Variants in ATP8B4 observed in about 807,000 individuals in gnomAD.
The protein encoded by ATP8B4 is probable phospholipid-transporting ATPase IM.
ATP8B4 carries 133 observed loss-of-function variants against 145.6 expected under a neutral mutation model. That is an observed-to-expected ratio of 0.91 (90% CI 0.79 to 1.05). ATP8B4 has a LOEUF of 1.05. ATP8B4 is among the 50% of genes least tolerant of loss of function. The probability of loss-of-function intolerance (pLI) is 0.00; values close to 1 mark genes in which losing one functional copy is unlikely to be tolerated. For synonymous variants in ATP8B4, 507 were observed against 492.9 expected (o/e 1.03, Z -0.38); for missense variants, 1,458 against 1,425.2 (o/e 1.02, Z -0.37).
At chr15:50,086,575 A>G (rs1447749259) in intron 2 of ATP8B4, among the ~76,000 whole-genome samples, 1 of 110,500 alleles carries the variant, frequency 9.0e-6, no homozygotes, top group Non-Finnish European at 1.6e-5. Flanking sequence ...TATTTATTAT[A>G]TATAATAAAA....
intron 9 of ATP8B4, among the ~76,000 whole-genome samples, chr15:49,995,439 T>C (rs1001503290): frequency 1.3e-5 from 2 of 152,208 alleles, no homozygotes; most frequent in East Asian, 1.9e-4. Context: ...TGTTTTATTC[T>C]AATCAAAATA....
At chr15:49,913,359 T>C (rs1184517221) in intron 20 of ATP8B4, among the ~76,000 whole-genome samples, 2 of 152,082 alleles carry the variant, frequency 1.3e-5, no homozygotes, top group African/African-American at 2.4e-5. Context: ...AAACTAGGTG[T>C]AGATGGAACA....
intron 3 of ATP8B4, among the ~76,000 whole-genome samples, chr15:50,050,258 A>T (rs1469284633): frequency 6.6e-6 from 1 of 152,246 alleles, no homozygotes; most frequent in Non-Finnish European, 1.5e-5. Flanking sequence ...GTCTATGTAT[A>T]GTAAGGACTT....
chr15:50,025,116 G>T (rs1490254342), intron 6 of ATP8B4, among the ~76,000 whole-genome samples: 3 of 152,184 alleles, frequency 2.0e-5, no homozygotes, highest in African/African-American at 7.2e-5. Context: ...CGTATCAACT[G>T]CATGGGAATA....
At chr15:50,170,501 C>CCCT (rs1555498984) in intron 1 of ATP8B4, among the ~76,000 whole-genome samples, 11 of 142,884 alleles carry the variant, frequency 7.7e-5, no homozygotes, top group African/African-American at 2.3e-4. Context: ...CCAAACCCCC[C>CCCT]CCACCCTCCA....
chr15:50,049,364 T>C lies in ATP8B4; in HGVS notation c.88-1900A>G, dbSNP rs543051778. Among the ~76,000 whole-genome samples, 6 of 152,284 alleles carry C rather than the reference T, an allele frequency of 3.9e-5. No individual in the cohort carries two copies. In the South Asian group the frequency reaches 1.0e-3, roughly 26 times the overall value. On this transcript the variant is annotated intron_variant, in intron 3 of 27. Coordinates refer to ENST00000284509, the MANE Select transcript of ATP8B4 (RefSeq NM_024837.4). ...TGCTGTATATGTCCATGAGTACTCA[T>C]TGTTTAGCCCCCACTCATAAGTGAG...
At chr15:49,891,279 TCCTTTC>T (rs2036763886) in intron 23 of ATP8B4, among the ~76,000 whole-genome samples, 1 of 151,734 alleles carries the variant, frequency 6.6e-6, no homozygotes, top group Non-Finnish European at 1.5e-5. Flanking sequence ...CACACATTTC[TCCTTTC>T]CCCATGCTTT....
chr15:50,029,255 A>AAAAAAAAAAAAAAAAAAAAAACAAC (rs776952913), intron 6 of ATP8B4, among the ~76,000 whole-genome samples: 5 of 141,164 alleles, frequency 3.5e-5, no homozygotes. Context: ...AAAAAAAAAA[A>AAAAAAAAAAAAAAAAAAAAAACAAC]AACAGAAAAA....
intron 12 of ATP8B4, 86 bp downstream of exon 12, chr15:49,979,531 T>TAAGAGCAAGA: frequency 1.7e-6 from 2 of 1,144,076 alleles, no homozygotes; most frequent in African/African-American, 3.1e-5. Flanking sequence ...AGACATCTAT[T>TAAGAGCAAGA]GCACTGCTGA....
chr15:50,040,724 C>G (rs549104749), intron 5 of ATP8B4, among the ~76,000 whole-genome samples: 4 of 152,126 alleles, frequency 2.6e-5, no homozygotes, highest in African/African-American at 9.7e-5. Flanking sequence ...CAGGTTTTAC[C>G]AACAGGACTT....
At chr15:50,033,857 TC>T (rs911026869) in intron 6 of ATP8B4, among the ~76,000 whole-genome samples, 1 of 152,196 alleles carries the variant, frequency 6.6e-6, no homozygotes, top group African/African-American at 2.4e-5. Context: ...GATAATACCC[TC>T]CAGCAGCATC....
At chr15:50,076,352 C>T (rs141384776) in intron 2 of ATP8B4, among the ~76,000 whole-genome samples, 67 of 152,080 alleles carry the variant, frequency 4.4e-4, no homozygotes, top group African/African-American at 1.5e-3. Flanking sequence ...ATTAGCTGGG[C>T]GTGGTGGCAC....
At chr15:49,931,071 C>T in intron 16 of ATP8B4, 48 bp downstream of exon 16, 1 of 1,538,014 alleles carries the variant, frequency 6.5e-7, no homozygotes, top group Middle Eastern at 2.0e-4. Context: ...AAAAGCATAA[C>T]CACAACAGTA....
At chr15:50,108,837 C>T (rs993656281) in intron 1 of ATP8B4, among the ~76,000 whole-genome samples, 1 of 152,262 alleles carries the variant, frequency 6.6e-6, no homozygotes, top group African/African-American at 2.4e-5. Context: ...TCCACAAACT[C>T]TTTTAGGACA....
At chr15:49,994,497 C>T (rs1389067084) in intron 9 of ATP8B4, among the ~76,000 whole-genome samples, 1 of 151,962 alleles carries the variant, frequency 6.6e-6, no homozygotes, top group African/African-American at 2.4e-5. Flanking sequence ...AGAAGCTTGG[C>T]GTACATCAGT....
In ATP8B4 at chr15:49,858,563, C is replaced by G. The variant is rs1481032340; in HGVS notation, c.*1631G>C. On this transcript the variant is annotated 3_prime_UTR_variant, in exon 28 of 28. Coordinates refer to ENST00000284509, the MANE Select transcript of ATP8B4 (RefSeq NM_024837.4). ...TCAAACTCACTCAAGTGTCACCTGA[C>G]TCTCTTGGGAAATGTAACTTTGTCT... is the stretch of plus-strand genomic sequence containing the variant. 1 of 152,216 alleles carries G rather than the reference C, an allele frequency of 6.6e-6. No individual in the cohort carries two copies. The highest frequency in any genetic ancestry group is 1.5e-5 in the Non-Finnish European group (1 of 68,036). 9.4% of individuals were successfully genotyped at this position (152,216 alleles called of 1,614,324 possible).
chr15:50,007,168 G>A (rs1004933863), intron 7 of ATP8B4, among the ~76,000 whole-genome samples: 5 of 152,080 alleles, frequency 3.3e-5, no homozygotes, highest in South Asian at 4.1e-4. Flanking sequence ...GGCAATCTCC[G>A]GTGAGCTTTT....
chr15:49,928,678 A>C (rs61380049), intron 16 of ATP8B4, among the ~76,000 whole-genome samples: 3,581 of 152,160 alleles, frequency 0.024, 143 homozygotes, highest in African/African-American at 0.083. Context: ...GTGACAAGAA[A>C]CTTAACTAAG....
At chr15:50,177,894 C>A (rs58073453) in intron 1 of ATP8B4, among the ~76,000 whole-genome samples, 13,774 of 152,142 alleles carry the variant, frequency 0.091, 837 homozygotes, top group African/African-American at 0.16. Flanking sequence ...TAGGAAGGGA[C>A]GCCACCTGCT....
Sources: allele counts gnomAD v4.1 joint callset (sites outside exome capture counted in the v4.1 genomes callset), GRCh38; gene constraint gnomAD v4.1.1; transcripts MANE v1.5; gene names NCBI Gene and HGNC (gene_info 2026-07-23, HGNC 2026-07-21).